The following EXD1 variants were observed in gnomAD, a reference collection of about 807,000 sequenced individuals.
EXD1 encodes piRNA biogenesis protein EXD1.
A neutral mutation model predicts 49.1 loss-of-function variants in EXD1; 63 were observed. That is an observed-to-expected ratio of 1.28 (90% CI 1.05 to 1.58). The LOEUF is 1.58. EXD1 is among the 40% of genes most tolerant of loss of function. EXD1 has a pLI of 0.00. For synonymous variants in EXD1, 234 were observed against 239.2 expected, an observed-to-expected ratio of 0.98 and a Z score of 0.20; for missense variants, 748 against 666.0, an observed-to-expected ratio of 1.12 and a Z score of -1.36.
At chr15:41,199,298 G>A (rs1002174613) in intron 7 of EXD1, among the ~76,000 whole-genome samples, 10 of 151,442 alleles carry the variant, frequency 6.6e-5, no homozygotes, top group Non-Finnish European at 1.2e-4. Context: ...ATGTTGCCAA[G>A]GCTGATCTTG....
At chr15:41,210,673 A>C (rs1566988157) in intron 6 of EXD1, among the ~76,000 whole-genome samples, 1 of 151,538 alleles carries the variant, frequency 6.6e-6, no homozygotes, top group East Asian at 1.9e-4. Context: ...AAAAAAAAAA[A>C]CACAAAACAC....
chr15:41,217,532 T>A (rs1207047024), intron 3 of EXD1, among the ~76,000 whole-genome samples: 19 of 147,520 alleles, frequency 1.3e-4, no homozygotes, highest in Admixed American at 1.3e-3. Flanking sequence ...GGTTTTCCTT[T>A]TTTTTTTTTT....
rs2046360531 is a variant in EXD1 at position 41,183,909 on chromosome 15, C to T, written c.*22G>A. 1 of 1,553,808 alleles carries T rather than the reference C, an allele frequency of 6.4e-7. No individual in the cohort carries two copies. Among genetic ancestry groups the T allele is most frequent in the African/African-American group, 1.4e-5 (1 of 72,798 alleles). Reference sequence around the variant, plus strand: ...AAAGGAAATAAGCCATCTGTATGGCCTTAAGAACAAACTGCCCATCTCTAG... The same window carrying T: ...AAAGGAAATAAGCCATCTGTATGGCTTTAAGAACAAACTGCCCATCTCTAG... On this transcript the variant is annotated 3_prime_UTR_variant, in exon 12 of 12. Coordinates refer to ENST00000458580, the MANE Select transcript of EXD1 (RefSeq NM_001286441.2).
rs1405447141 is a variant in EXD1 at position 41,219,887 on chromosome 15, C to T, written c.145G>A (p.Glu49Lys). 1.3e-6 allele frequency: 2 copies of T among 1,535,278 alleles called. No homozygotes were observed. Among genetic ancestry groups the T allele is most frequent in the African/African-American group, 1.4e-5 (1 of 73,090 alleles). Residue 49 changes from glutamate to lysine, a missense_variant, in exon 3 of 12, where the codon GAG becomes AAG. Physicochemically the swap from Glu to Lys is moderately conservative, Grantham distance 56. Transcript: ENST00000458580. ...ACTCCTGGGACACTTCGACCTGTCT[C>T]CACATTCTTCACTGTTACAGAAAAC... is the stretch of plus-strand genomic sequence containing the variant. ...IVVLKKVKNVETGRSVPGVKL... is the reference protein window; with the variant it reads ...IVVLKKVKNVKTGRSVPGVKL...
chr15:41,202,890 C>G (rs891689189), intron 7 of EXD1, among the ~76,000 whole-genome samples: 2 of 147,582 alleles, frequency 1.4e-5, no homozygotes, highest in African/African-American at 5.0e-5. Context: ...TGCACTCCAG[C>G]CTAGGTGACA....
At chr15:41,208,880 C>A (rs973418431) in intron 7 of EXD1, among the ~76,000 whole-genome samples, 4 of 152,096 alleles carry the variant, frequency 2.6e-5, no homozygotes, top group Admixed American at 1.3e-4. Flanking sequence ...AGAGACGACA[C>A]TCTTCATAGA....
chr15:41,218,725 A>AC (rs1336979029), intron 3 of EXD1, among the ~76,000 whole-genome samples: 4 of 152,142 alleles, frequency 2.6e-5, no homozygotes, highest in Non-Finnish European at 5.9e-5. Context: ...AAGAACTCCA[A>AC]CTACCACTAC....
chr15:41,212,502 A>T (rs1210104953), intron 6 of EXD1, among the ~76,000 whole-genome samples: 1 of 152,110 alleles, frequency 6.6e-6, no homozygotes, highest in Non-Finnish European at 1.5e-5. Flanking sequence ...AGAAATGTAA[A>T]ATAGTGCAAC....
At position 41,215,273 on chromosome 15, in the gene EXD1, G is replaced by GTAAA. The variant is rs530539340; in HGVS notation, c.447+501_447+502insTTTA. ...TAGAATATAAGCTCCTTGAGGGCGG[G>GTAAA]AACTTTGTCTTGATTATGGTTTTAC... On this transcript the variant is annotated intron_variant, in intron 6 of 11. Transcript: ENST00000458580. Among the ~76,000 whole-genome samples the GTAAA allele has an allele frequency of 2.4e-3, 361 of 152,272 alleles. 2 individuals carry two copies. The highest frequency in any genetic ancestry group is 3.1e-3 in the Non-Finnish European group (209 of 68,040).
chr15:41,196,473 T>G (rs2046615622), intron 7 of EXD1, among the ~76,000 whole-genome samples: 1 of 151,870 alleles, frequency 6.6e-6, no homozygotes, highest in Non-Finnish European at 1.5e-5. Context: ...CACGCCACCA[T>G]GCCCAGCTAA....
intron 7 of EXD1, among the ~76,000 whole-genome samples, chr15:41,199,412 T>G (rs983597673): frequency 3.3e-4 from 49 of 149,212 alleles, no homozygotes; most frequent in African/African-American, 1.2e-3. Flanking sequence ...TATTAATTTT[T>G]AAGAGTCTTT....
At position 41,184,282 on chromosome 15, in the gene EXD1, T is replaced by C. The variant is rs17852789; in HGVS notation, c.1368A>G (p.Thr456=). 6.2e-7 allele frequency: 1 copy of C among 1,614,222 alleles called. No homozygotes were observed. The highest frequency in any genetic ancestry group is 8.5e-7 in the Non-Finnish European group (1 of 1,180,040). ...QATNPQHLPP[T]EEGETSEDSS... is the part of the protein sequence containing the mutation. ...AATCCTCACTGGTTTCCCCTTCCTC[T>C]GTGGGAGGTAGATGTTGAGGATTTG... The change falls in exon 12 of 12, where the codon ACA becomes ACG. Residue 456 remains threonine (T), a synonymous_variant. Coordinates refer to ENST00000458580, the MANE Select transcript of EXD1 (RefSeq NM_001286441.2).
chr15:41,226,712 G>T, intron 1 of EXD1, 84 bp from the exon 2 acceptor site: 1 of 1,085,366 alleles, frequency 9.2e-7, no homozygotes, highest in Non-Finnish European at 1.3e-6. Flanking sequence ...ATCTGTAATG[G>T]ACAAGAATAA....
intron 7 of EXD1, among the ~76,000 whole-genome samples, chr15:41,199,666 C>T (rs1163744302): frequency 4.6e-5 from 3 of 64,646 alleles, no homozygotes; most frequent in South Asian, 1.0e-3. Context: ...ATATGATATA[C>T]ACATTATATA....
Position 41,191,535 on chromosome 15 carries a change from G to T in EXD1, c.771C>A (p.Asn257Lys). 1 of 1,614,060 alleles carries T rather than the reference G, an allele frequency of 6.2e-7. No individual in the cohort carries two copies. The highest frequency in any genetic ancestry group is 8.5e-7 in the Non-Finnish European group (1 of 1,179,950). Residue 257 changes from asparagine to lysine, a missense_variant, in exon 10 of 12, where the codon AAC becomes AAA. Asn to Lys is a moderately conservative substitution (Grantham distance 94). Transcript: ENST00000458580. ...FSMETGGYLPNCITTLQESLI... is the reference protein window; with the variant it reads ...FSMETGGYLPKCITTLQESLI... ...AACTCTCCTGCAAAGTAGTGATGCA[G>T]TTTGGAAGATAGCCACCCGTTTCCA...
At position 41,224,899 on chromosome 15, in the gene EXD1, G is replaced by C. The variant is rs145433603; in HGVS notation, c.133+1544C>G. Among the ~76,000 whole-genome samples the C allele has an allele frequency of 8.6e-4, 131 of 152,172 alleles. 3 individuals carry two copies. Among genetic ancestry groups the C allele is most frequent in the Middle Eastern group, 3.4e-3 (1 of 294 alleles). Reference sequence around the variant, plus strand: ...GATCACTTGACCCTGGGAAGTTAAGGCTGCAGCGAGCCGTGATCACACCAT... The same window carrying C: ...GATCACTTGACCCTGGGAAGTTAAGCCTGCAGCGAGCCGTGATCACACCAT... On this transcript the variant is annotated intron_variant, in intron 2 of 11. Coordinates refer to ENST00000458580, the MANE Select transcript of EXD1 (RefSeq NM_001286441.2).
intron 7 of EXD1, among the ~76,000 whole-genome samples, chr15:41,199,723 T>TCATATATATC (rs2046682426): frequency 2.8e-5 from 1 of 36,308 alleles, no homozygotes; most frequent in Non-Finnish European, 6.5e-5. Flanking sequence ...TATGATATAT[T>TCATATATATC]ATATATGATA....
intron 1 of EXD1, among the ~76,000 whole-genome samples, 165 bp downstream of exon 1, chr15:41,230,314 C>T (rs1366652984): frequency 6.6e-6 from 1 of 152,074 alleles, no homozygotes; most frequent in Non-Finnish European, 1.5e-5. Flanking sequence ...AACTCACGAC[C>T]TCAGGTGTTC....
rs777407164 is a variant in EXD1, at chr15:41,189,954, G to C, written c.1039C>G (p.Arg347Gly). ...LNTYREGSAD[R>G]LGGTEPTCME... Reference sequence around the variant, plus strand: ...GCACCTACCTCAGTGCCTCCAAGCCGGTCTGCAGACCCTTCGCGATACGTG... The same window carrying C: ...GCACCTACCTCAGTGCCTCCAAGCCCGTCTGCAGACCCTTCGCGATACGTG... The change falls in exon 11 of 12, where the codon CGG becomes GGG. Residue 347 changes from arginine (R) to glycine (G), a missense_variant. By Grantham distance (125) the Arg-to-Gly change is moderately radical (BLOSUM62 -2). Coordinates refer to ENST00000458580, the MANE Select transcript of EXD1 (RefSeq NM_001286441.2). 3.1e-6 allele frequency: 5 copies of C among 1,613,992 alleles called. No individual in the cohort carries two copies. The Admixed American group carries it at 8.3e-5, about 27-fold the overall frequency.
Sources: gnomAD v4.1 joint callset for allele counts (sites outside exome capture counted in the v4.1 genomes callset) on GRCh38, gnomAD v4.1.1 for gene constraint, MANE v1.5 for transcripts, NCBI Gene and HGNC (gene_info 2026-07-23, HGNC 2026-07-21) for gene names.